The following LUZP2 variants were observed in gnomAD, a reference collection of about 807,000 sequenced individuals.
LUZP2 encodes the protein leucine zipper protein 2.
Under a neutral mutation model 51.6 loss-of-function variants are expected in LUZP2, and 52 were observed. That is an observed-to-expected ratio of 1.01 (90% CI 0.81 to 1.27). The LOEUF is 1.27. Ranked by LOEUF, LUZP2 falls within the 50% of genes most tolerant of loss-of-function variation. LUZP2 has a pLI of 0.00. For synonymous variants in LUZP2, 154 were observed against 137.3 expected, an observed-to-expected ratio of 1.12 and a Z score of -0.85; for missense variants, 436 against 395.4, an observed-to-expected ratio of 1.10 and a Z score of -0.87.
chr11:24,990,705 G>A (rs183014179), intron 9 of LUZP2, among the ~76,000 whole-genome samples: 101 of 152,130 alleles, frequency 6.6e-4, no homozygotes, highest in African/African-American at 2.3e-3. Context: ...GACAACCTGA[G>A]AGTTCAAGAT....
chr11:24,857,811 A>AT (rs1851617373), intron 5 of LUZP2, among the ~76,000 whole-genome samples: 1 of 151,930 alleles, frequency 6.6e-6, no homozygotes, highest in Non-Finnish European at 1.5e-5. Flanking sequence ...TAAGTATGAC[A>AT]TTTTTTAAGC....
intron 1 of LUZP2, among the ~76,000 whole-genome samples, chr11:24,714,260 GTAA>G (rs1857951725): frequency 6.6e-6 from 1 of 151,972 alleles, no homozygotes; most frequent in Admixed American, 6.6e-5. Flanking sequence ...GTATACCTAT[GTAA>G]CAAACCTGCA....
intron 7 of LUZP2, among the ~76,000 whole-genome samples, chr11:24,936,222 C>T (rs1009343244): frequency 6.6e-6 from 1 of 152,052 alleles, no homozygotes; most frequent in Non-Finnish European, 1.5e-5. Context: ...AAGGGCTGAA[C>T]CCCTAAGTGG....
intron 5 of LUZP2, among the ~76,000 whole-genome samples, chr11:24,837,783 T>A (rs1590619913): frequency 6.6e-6 from 1 of 151,780 alleles, no homozygotes; most frequent in East Asian, 1.9e-4. Flanking sequence ...ATTTTGGAAT[T>A]TGTAGTTCTA....
chr11:24,860,615 C>A (rs990934974), intron 5 of LUZP2, among the ~76,000 whole-genome samples: 3 of 152,146 alleles, frequency 2.0e-5, no homozygotes, highest in Non-Finnish European at 4.4e-5. Flanking sequence ...TATTCTCCAG[C>A]CTCTTTTAGT....
At chr11:24,845,938 C>A (rs1851185448) in intron 5 of LUZP2, among the ~76,000 whole-genome samples, 1 of 151,952 alleles carries the variant, frequency 6.6e-6, no homozygotes, top group African/African-American at 2.4e-5. Context: ...AAGCTACTAA[C>A]AAAATAGAAC....
chr11:24,970,993 C>T (rs1316749755), intron 7 of LUZP2, among the ~76,000 whole-genome samples: 1 of 152,134 alleles, frequency 6.6e-6, no homozygotes, highest in Non-Finnish European at 1.5e-5. Flanking sequence ...ATGTCCTTTG[C>T]AGCAACATGG....
intron 4 of LUZP2, among the ~76,000 whole-genome samples, chr11:24,745,142 T>C (rs1372157140): frequency 6.6e-6 from 1 of 152,180 alleles, no homozygotes; most frequent in East Asian, 1.9e-4. Flanking sequence ...TGGTCTATCT[T>C]GGAGAAAGTT....
intron 1 of LUZP2, among the ~76,000 whole-genome samples, chr11:24,664,334 T>G (rs556697835): frequency 6.6e-6 from 1 of 152,176 alleles, no homozygotes; most frequent in African/African-American, 2.4e-5. Flanking sequence ...AAGAAATTTC[T>G]AAGCAGCAAA....
intron 5 of LUZP2, among the ~76,000 whole-genome samples, chr11:24,829,247 G>C (rs543968301): frequency 6.7e-6 from 1 of 149,404 alleles, no homozygotes; most frequent in East Asian, 1.9e-4. Context: ...TGATTAGCAA[G>C]ACCTTAACCA....
rs533186540 is a variant in LUZP2 at position 24,611,192 on chromosome 11, C to A, written c.62+113887C>A. Among the ~76,000 whole-genome samples, 1 of 151,978 alleles carries A rather than the reference C, an allele frequency of 6.6e-6. No homozygotes were observed. The highest frequency in any genetic ancestry group is 1.9e-4 in the East Asian group (1 of 5,166). On this transcript the variant is annotated intron_variant, in intron 1 of 11. Transcript: ENST00000336930. This position sits in a 1 kb window ranked among gnomAD's most constrained non-coding sequence, Gnocchi z 4.6. ...TTTATATTATTCATTCAAAAATAGT[C>A]AACTTTTACTTTGTGCCGAGGTTGT...
At chr11:24,905,370 C>CA (rs536321720) in intron 5 of LUZP2, among the ~76,000 whole-genome samples, 15 of 151,514 alleles carry the variant, frequency 9.9e-5, no homozygotes, top group South Asian at 4.2e-4. Context: ...ACTTAAAATA[C>CA]AAAAAAAATT....
At chr11:24,990,407 G>T (rs532822450) in intron 9 of LUZP2, among the ~76,000 whole-genome samples, 1 of 152,022 alleles carries the variant, frequency 6.6e-6, no homozygotes, top group African/African-American at 2.4e-5. Flanking sequence ...AGGTTAATTT[G>T]AGTCAAGGAC....
chr11:25,035,908 G>T (rs896652526), intron 9 of LUZP2, among the ~76,000 whole-genome samples: 1 of 151,986 alleles, frequency 6.6e-6, no homozygotes, highest in Non-Finnish European at 1.5e-5. Context: ...TGTTCATGAG[G>T]GATATTGGCC....
rs952198761 is a variant in LUZP2 at position 24,651,764 on chromosome 11, T to G, written c.63-77405T>G. Among the ~76,000 whole-genome samples, 4 of 152,182 alleles carry G rather than the reference T, an allele frequency of 2.6e-5. No homozygotes were observed. The East Asian group carries it at 7.7e-4, about 29-fold the overall frequency. ...ATAAAGCAGATTATTCTCCATAATG[T>G]GGGTAGGCCTCCTCCAATCAGTTGA... On this transcript the variant is annotated intron_variant, in intron 1 of 11. Coordinates refer to ENST00000336930, the MANE Select transcript of LUZP2 (RefSeq NM_001009909.4).
At chr11:25,068,333 G>C (rs1220708481) in intron 10 of LUZP2, among the ~76,000 whole-genome samples, 1 of 151,726 alleles carries the variant, frequency 6.6e-6, no homozygotes, top group South Asian at 2.1e-4. Flanking sequence ...AAAATAAAAA[G>C]GTACTTTTAT....
chr11:24,733,479 T>C (rs1858798631), intron 3 of LUZP2, among the ~76,000 whole-genome samples: 1 of 151,682 alleles, frequency 6.6e-6, no homozygotes, highest in South Asian at 2.1e-4. Context: ...ACAACATGGA[T>C]GAACCTGGAG....
chr11:24,800,704 A>G (rs1849672484), intron 5 of LUZP2, among the ~76,000 whole-genome samples: 1 of 152,086 alleles, frequency 6.6e-6, no homozygotes, highest in African/African-American at 2.4e-5. Context: ...TTTCTCTGGA[A>G]CTTTATTTAA....
chr11:24,759,846 C>G (rs921837467), intron 4 of LUZP2, among the ~76,000 whole-genome samples: 1 of 152,064 alleles, frequency 6.6e-6, no homozygotes, highest in Non-Finnish European at 1.5e-5. Flanking sequence ...AGACAGATCT[C>G]AATCAATTTC....
Sources: gnomAD v4.1 joint callset for allele counts (sites outside exome capture counted in the v4.1 genomes callset) on GRCh38, gnomAD v4.1.1 for gene constraint, Gnocchi (gnomAD v3.1) non-coding constraint, MANE v1.5 for transcripts, NCBI Gene and HGNC (gene_info 2026-07-23, HGNC 2026-07-21) for gene names.